CHD6: variants seen among roughly 807,000 people sequenced by gnomAD.
CHD6 encodes chromodomain helicase DNA binding protein 6.
In CHD6, 50 loss-of-function variants were observed where a neutral mutation model predicts 276.9. That is an observed-to-expected ratio of 0.18 (90% CI 0.14 to 0.23). The LOEUF (loss-of-function observed/expected upper bound fraction) is 0.23. CHD6 is among the 10% of genes least tolerant of loss of function. The pLI is 1.00. For missense variants in CHD6, 2,564 were observed against 3,365.8 expected (o/e 0.76, Z 5.89); for synonymous variants, 1,173 against 1,229.3 (o/e 0.95, Z 0.96).
At chr20:41,607,263 CA>C (rs1358616627) in intron 1 of CHD6, among the ~76,000 whole-genome samples, 1 of 152,216 alleles carries the variant, frequency 6.6e-6, no homozygotes, top group Non-Finnish European at 1.5e-5. Flanking sequence ...GTCTTCCTTT[CA>C]AAAGCCTTAA....
At chr20:41,589,145 A>T (rs1025374720) in intron 1 of CHD6, among the ~76,000 whole-genome samples, 4 of 152,238 alleles carry the variant, frequency 2.6e-5, no homozygotes, top group African/African-American at 9.7e-5. Flanking sequence ...GATGCAGAAA[A>T]GGTCTTCGAC....
intron 1 of CHD6, among the ~76,000 whole-genome samples, chr20:41,575,262 T>G (rs2045462312): frequency 6.6e-6 from 1 of 152,246 alleles, no homozygotes. Flanking sequence ...TGTTGTTTCA[T>G]TCTTTCCTTG....
intron 12 of CHD6, among the ~76,000 whole-genome samples, chr20:41,489,178 GTC>G (rs1204603960): frequency 6.6e-6 from 1 of 152,104 alleles, no homozygotes; most frequent in East Asian, 1.9e-4. Context: ...TCTTCCAAGT[GTC>G]TCTGCTGTTT....
Position 41,457,328 on chromosome 20 carries a change from C to G in CHD6, c.2765G>C (p.Ser922Thr). The G allele has an allele frequency of 6.2e-7, 1 of 1,614,140 alleles. No homozygotes were observed. Among genetic ancestry groups the G allele is most frequent in the Non-Finnish European group, 8.5e-7 (1 of 1,179,998 alleles). The stretch of plus-strand genomic sequence containing the variant: ...AGCCTTGTCCAGCCCCAGCTTTAGG[C>G]TGGCCTTGTCAAACATCTCGCGCTC... ...SYEREMFDKA[S>T]LKLGLDKAVL... The change falls in exon 18 of 37, where the codon AGC becomes ACC. Residue 922 changes from serine (S) to threonine (T), a missense_variant. Physicochemically the swap from Ser to Thr is moderately conservative, Grantham distance 58. Transcript: ENST00000373233.
chr20:41,426,518 T>C (rs541929831), intron 27 of CHD6, among the ~76,000 whole-genome samples: 53 of 152,348 alleles, frequency 3.5e-4, no homozygotes, highest in African/African-American at 1.2e-3. Flanking sequence ...AATTTAATAC[T>C]GTCATTTCAT....
At chr20:41,425,998 C>T (rs2047351319) in intron 28 of CHD6, 95 bp downstream of exon 28, 1 of 929,848 alleles carries the variant, frequency 1.1e-6, no homozygotes, top group East Asian at 2.4e-5. Flanking sequence ...AAAAGAGCCT[C>T]CTTAAAAAAC....
Position 41,484,411 on chromosome 20 carries a change from T to A in CHD6, c.2198A>T (p.Asn733Ile). Residue 733 changes from asparagine to isoleucine, a missense_variant, in exon 15 of 37, where the codon AAT (asparagine) becomes ATT (isoleucine). Asn to Ile is a moderately radical substitution (Grantham distance 149). Coordinates refer to ENST00000373233, the MANE Select transcript of CHD6 (RefSeq NM_032221.5). ...TKGANQHNMP[N>I]LINTMMELRK... ...CAGCTCCATCATGGTGTTGATGAGA[T>A]TGGGCATGTTGTGCTGATTTGCCCC... 1 of 1,613,900 alleles carries A rather than the reference T, an allele frequency of 6.2e-7. No homozygotes were observed. The highest frequency in any genetic ancestry group is 1.7e-4 in the Middle Eastern group (1 of 6,056).
At chr20:41,512,817 A>C (rs1211248051) in intron 5 of CHD6, 29 bp downstream of exon 5, 1 of 1,612,918 alleles carries the variant, frequency 6.2e-7, no homozygotes, top group Non-Finnish European at 8.5e-7. Context: ...TGTCCAGCCA[A>C]GGTCAGTAAC....
At chr20:41,564,716 A>G (rs1441867324) in intron 1 of CHD6, among the ~76,000 whole-genome samples, 1 of 152,224 alleles carries the variant, frequency 6.6e-6, no homozygotes. Flanking sequence ...ATCCAAAGTT[A>G]ATGAGTAATT....
At chr20:41,493,051 T>C (rs1035824937) in intron 10 of CHD6, among the ~76,000 whole-genome samples, 1 of 152,106 alleles carries the variant, frequency 6.6e-6, no homozygotes, top group Non-Finnish European at 1.5e-5. Context: ...AACAAATAAA[T>C]TCAATAATGT....
intron 17 of CHD6, chr20:41,472,910 C>T (rs1395729790): frequency 1.9e-5 from 3 of 160,218 alleles, no homozygotes; most frequent in African/African-American, 7.2e-5. Context: ...CACCATGGAA[C>T]TTTCCCACCC....
chr20:41,612,368 T>C (rs1314242039), intron 1 of CHD6, among the ~76,000 whole-genome samples: 1 of 152,198 alleles, frequency 6.6e-6, no homozygotes, highest in Non-Finnish European at 1.5e-5. Flanking sequence ...TTTTTACAAC[T>C]CAAGGCAAAA....
At chr20:41,439,968 T>C in intron 26 of CHD6, 32 bp downstream of exon 26, 1 of 1,608,938 alleles carries the variant, frequency 6.2e-7, no homozygotes, top group Non-Finnish European at 8.5e-7. Context: ...GCATGGCATG[T>C]CACATGAGGG....
intron 34 of CHD6, chr20:41,414,706 C>T (rs1157305035): frequency 2.4e-6 from 1 of 423,618 alleles, no homozygotes; most frequent in East Asian, 6.2e-5. Context: ...TGCTGTTGCC[C>T]CACTTTACAC....
At chr20:41,617,984 G>C (rs1217143061) in intron 1 of CHD6, among the ~76,000 whole-genome samples, 1 of 146,322 alleles carries the variant, frequency 6.8e-6, no homozygotes, top group Non-Finnish European at 1.5e-5. Flanking sequence ...CCGCCCGCCA[G>C]GCCCGCGGCC....
chr20:41,569,424 A>G (rs1378178609), intron 1 of CHD6, among the ~76,000 whole-genome samples: 2 of 152,324 alleles, frequency 1.3e-5, no homozygotes, highest in East Asian at 3.9e-4. Flanking sequence ...AACTTCTAAT[A>G]CCTAAATAAA....
Position 41,415,537 on chromosome 20 carries a change from C to A in CHD6, c.6588G>T (p.Gln2196His). 2 of 1,614,172 alleles carry A rather than the reference C, an allele frequency of 1.2e-6. No individual in the cohort carries two copies. Among genetic ancestry groups the A allele is most frequent in the Non-Finnish European group, 1.7e-6 (2 of 1,180,026 alleles). Residue 2196 changes from glutamine to histidine, a missense_variant, in exon 34 of 37, where the codon CAG becomes CAT. Around this residue, in one of 7 missense-constraint regions of CHD6, gnomAD observed 1,024 missense variants for 1,047.9 expected, o/e 0.98. Coordinates refer to ENST00000373233, the MANE Select transcript of CHD6 (RefSeq NM_032221.5). ...ERDAKARGLEQFSATHGHTPI... is the reference protein window; with the variant it reads ...ERDAKARGLEHFSATHGHTPI... ...GGGTGTGCCCGTGGGTGGCAGAGAA[C>A]TGCTCCAGGCCCCGAGCCTTTGCAT... is the stretch of plus-strand genomic sequence containing the variant.
In CHD6 at chr20:41,588,564, T is replaced by A. The variant is rs564540141; in HGVS notation, c.-24+29776A>T. The stretch of plus-strand genomic sequence containing the variant: ...GGCAGGTACAAAAACCCATCTCACA[T>A]GAGGTTATGGCAGGGTAAAGACGTA... On this transcript the variant is annotated intron_variant, in intron 1 of 36. Transcript: ENST00000373233. Among the ~76,000 whole-genome samples, 3 of 152,272 alleles carry A rather than the reference T, an allele frequency of 2.0e-5. No homozygotes were observed. The South Asian group carries it at 6.2e-4, about 32-fold the overall frequency.
At chr20:41,525,788 A>G (rs945224257) in intron 3 of CHD6, among the ~76,000 whole-genome samples, 2 of 152,236 alleles carry the variant, frequency 1.3e-5, no homozygotes, top group African/African-American at 2.4e-5. Context: ...TCCCCAGACC[A>G]GAAATGACAT....
Sources: gnomAD v4.1 joint callset for allele counts (sites outside exome capture counted in the v4.1 genomes callset) on GRCh38, gnomAD v4.1.1 for gene constraint, gnomAD v4.1.1 regional missense constraint, MANE v1.5 for transcripts, NCBI Gene and HGNC (gene_info 2026-07-23, HGNC 2026-07-21) for gene names.